PARD3B: variants seen among roughly 807,000 people sequenced by gnomAD.
PARD3B encodes partitioning defective 3 homolog B.
Under a neutral mutation model 130.2 loss-of-function variants are expected in PARD3B, and 103 were observed. That is an observed-to-expected ratio of 0.79 (90% CI 0.67 to 0.93). The LOEUF (loss-of-function observed/expected upper bound fraction) is 0.93. PARD3B is among the 40% of genes least tolerant of loss of function. PARD3B has a pLI of 0.00. For missense variants in PARD3B, 1,609 were observed against 1,499.2 expected, an observed-to-expected ratio of 1.07 and a Z score of -1.21; for synonymous variants, 583 against 553.2, an observed-to-expected ratio of 1.05 and a Z score of -0.76.
intron 2 of PARD3B, among the ~76,000 whole-genome samples, chr2:204,829,814 A>G (rs1404104294): frequency 6.6e-6 from 1 of 152,056 alleles, no homozygotes; most frequent in African/African-American, 2.4e-5. Context: ...CCTGGCTAAC[A>G]CGGTGAAACC....
chr2:204,647,767 G>C (rs549838884), intron 1 of PARD3B, among the ~76,000 whole-genome samples: 7 of 151,744 alleles, frequency 4.6e-5, no homozygotes, highest in African/African-American at 1.7e-4. Context: ...AAGTTTTTTG[G>C]AGGAGATAAG....
chr2:205,020,018 A>G (rs766407656), intron 3 of PARD3B, among the ~76,000 whole-genome samples: 11 of 152,082 alleles, frequency 7.2e-5, no homozygotes, highest in Admixed American at 1.3e-4. Flanking sequence ...TCCAGCACAA[A>G]GCTGTTGCCG....
At position 205,067,095 on chromosome 2, in the gene PARD3B, C is replaced by CTTTT. The variant is rs10672449; in HGVS notation, c.504+19431_504+19434dup. Among the ~76,000 whole-genome samples, 273 of 59,604 alleles carry CTTTT rather than the reference C, an allele frequency of 4.6e-3. 16 individuals are homozygous for CTTTT. Among genetic ancestry groups the CTTTT allele is most frequent in the African/African-American group, 7.0e-3 (95 of 13,636 alleles). The allele number at this position is 59,604 out of a possible 152,430, so 39.1% of individuals were successfully genotyped here. A position where few individuals can be genotyped will look rare whatever the true frequency, so the allele number is the denominator to read the frequency against. On this transcript the variant is annotated intron_variant, in intron 4 of 22. Coordinates refer to ENST00000406610, the MANE Select transcript of PARD3B (RefSeq NM_001302769.2). ...GCATCTTGCATCCACTTTTACTAGG[C>CTTTT]TTTTTTTTTTTTTTTTTTTTTTTTT...
chr2:204,707,524 G>A (rs977942995), intron 2 of PARD3B, among the ~76,000 whole-genome samples: 1 of 152,104 alleles, frequency 6.6e-6, no homozygotes, highest in African/African-American at 2.4e-5. Context: ...GATATATCTA[G>A]TAGATGATGG....
chr2:205,048,311 A>G (rs966455821), intron 4 of PARD3B: 1 of 152,190 alleles, frequency 6.6e-6, no homozygotes, highest in Non-Finnish European at 1.5e-5. Context: ...TCATTGACCA[A>G]AAGTGCTTAT....
chr2:205,122,091 C>G lies in PARD3B; in HGVS notation c.1165+142C>G. 1.4e-6 allele frequency: 1 copy of G among 728,674 alleles called. No individual in the cohort carries two copies. The highest frequency in any genetic ancestry group is 2.7e-5 in the East Asian group (1 of 36,386). The allele number at this position is 728,674 out of a possible 1,614,324, so 45.1% of individuals were successfully genotyped here. On this transcript the variant is annotated intron_variant, in intron 8 of 22. Transcript: ENST00000406610. This position sits in a 1 kb window ranked among gnomAD's most constrained non-coding sequence, Gnocchi z 4.3. The stretch of plus-strand genomic sequence containing the variant: ...TAGATTTAAGTGTATACTTAGGTAA[C>G]TTAAATTTCTTGAAATTGTACTTTT...
chr2:205,488,059 T>C (rs993084342), intron 20 of PARD3B, among the ~76,000 whole-genome samples: 10 of 152,220 alleles, frequency 6.6e-5, no homozygotes, highest in African/African-American at 2.2e-4. Context: ...TTGCTAATTT[T>C]GTTTTGGACC....
chr2:204,582,739 A>T (rs2032625662), intron 1 of PARD3B, among the ~76,000 whole-genome samples: 1 of 152,208 alleles, frequency 6.6e-6, no homozygotes, highest in Non-Finnish European at 1.5e-5. Context: ...CTTGAGAGAA[A>T]CATTTAACAG....
chr2:205,151,139 A>G (rs2033728396), intron 10 of PARD3B, among the ~76,000 whole-genome samples: 1 of 152,134 alleles, frequency 6.6e-6, no homozygotes, highest in Non-Finnish European at 1.5e-5. Flanking sequence ...TTTTGTCATG[A>G]TTTCTGTTCT....
At position 205,559,000 on chromosome 2, in the gene PARD3B, C is replaced by T. The variant is rs1575358991; in HGVS notation, c.3260+5597C>T. Reference sequence around the variant, plus strand: ...GTTTTATACCCATCATTTGTTACACCCAGAACCTAACATAAGGCCATGTAT... The same window carrying T: ...GTTTTATACCCATCATTTGTTACACTCAGAACCTAACATAAGGCCATGTAT... On this transcript the variant is annotated intron_variant, in intron 22 of 22. Transcript: ENST00000406610. This position sits in a 1 kb window ranked among gnomAD's most constrained non-coding sequence, Gnocchi z 4.8. Among the ~76,000 whole-genome samples, 3 of 152,230 alleles carry T rather than the reference C, an allele frequency of 2.0e-5. No individual in the cohort carries two copies. The Middle Eastern group carries it at 0.01, about 518-fold the overall frequency.
chr2:204,916,296 A>G (rs982587118), intron 2 of PARD3B, among the ~76,000 whole-genome samples: 1 of 152,246 alleles, frequency 6.6e-6, no homozygotes, highest in Non-Finnish European at 1.5e-5. Context: ...TTTGTTAAAA[A>G]TATCTAATAG....
intron 20 of PARD3B, among the ~76,000 whole-genome samples, chr2:205,476,940 A>T (rs777032474): frequency 2.6e-5 from 4 of 152,182 alleles, no homozygotes; most frequent in Admixed American, 6.5e-5. Context: ...CTGGTAGTGT[A>T]ATGAAAACAT....
intron 18 of PARD3B, among the ~76,000 whole-genome samples, chr2:205,310,477 G>C (rs2042341465): frequency 6.6e-6 from 1 of 151,890 alleles, no homozygotes; most frequent in Non-Finnish European, 1.5e-5. Context: ...TGCATCCTTT[G>C]ACCAACATTT....
chr2:205,471,661 C>A (rs577352072), intron 20 of PARD3B, among the ~76,000 whole-genome samples: 1 of 152,236 alleles, frequency 6.6e-6, no homozygotes, highest in African/African-American at 2.4e-5. Context: ...CCACGCCCGG[C>A]CCTCATTTTT....
intron 2 of PARD3B, among the ~76,000 whole-genome samples, chr2:204,826,629 A>T (rs972719689): frequency 6.6e-6 from 1 of 152,194 alleles, no homozygotes; most frequent in African/African-American, 2.4e-5. Flanking sequence ...TTTTCTCTGG[A>T]AATAGGTTGA....
rs562902834 is a variant in PARD3B, at chr2:205,190,417, A to G, written c.2025-2788A>G. 7.2e-5 allele frequency among the ~76,000 whole-genome samples: 11 copies of G among 152,340 alleles called. No individual in the cohort carries two copies. In the East Asian group the frequency reaches 1.2e-3, roughly 16 times the overall value. ...GCTTTGATTAAGGATTTAGTTTTCT[A>G]TTATTGCATGATGTGCACCATTCTA... On this transcript the variant is annotated intron_variant, in intron 14 of 22. Coordinates refer to ENST00000406610, the MANE Select transcript of PARD3B (RefSeq NM_001302769.2).
chr2:205,204,038 A>C (rs1045536663), intron 15 of PARD3B, among the ~76,000 whole-genome samples: 1 of 152,230 alleles, frequency 6.6e-6, no homozygotes, highest in Admixed American at 6.5e-5. Context: ...ACTGTCTTCC[A>C]CAATGGCTGA....
At chr2:205,171,199 A>T (rs572267825) in intron 11 of PARD3B, among the ~76,000 whole-genome samples, 2 of 152,212 alleles carry the variant, frequency 1.3e-5, no homozygotes, top group Non-Finnish European at 2.9e-5. Flanking sequence ...TAACATTCGT[A>T]ATCACAGCTG....
intron 22 of PARD3B, among the ~76,000 whole-genome samples, chr2:205,570,484 A>G (rs950125197): frequency 2.0e-5 from 3 of 152,238 alleles, no homozygotes; most frequent in Admixed American, 1.3e-4. Context: ...TATCTTCAAT[A>G]TCAGAGTGAA....
Sources: allele counts gnomAD v4.1 joint callset (sites outside exome capture counted in the v4.1 genomes callset), GRCh38; gene constraint gnomAD v4.1.1; non-coding constraint Gnocchi (gnomAD v3.1); transcripts MANE v1.5; gene names NCBI Gene and HGNC (gene_info 2026-07-23, HGNC 2026-07-21).